ANKS1A: variants seen among roughly 807,000 people sequenced by gnomAD.
ANKS1A encodes ankyrin repeat and sterile alpha motif domain containing 1A.
A neutral mutation model predicts 120.3 loss-of-function variants in ANKS1A; 55 were observed. That is an observed-to-expected ratio of 0.46 (90% CI 0.37 to 0.57). The LOEUF (loss-of-function observed/expected upper bound fraction) is 0.57, where lower values mean the gene tolerates loss of function less well. ANKS1A is among the 20% of genes least tolerant of loss of function. ANKS1A has a pLI of 0.00. For missense variants in ANKS1A, 1,123 were observed against 1,480.3 expected (o/e 0.76, Z 3.96); for synonymous variants, 590 against 604.7 (o/e 0.98, Z 0.36).
At chr6:34,951,841 C>T (rs764230822) in intron 1 of ANKS1A, among the ~76,000 whole-genome samples, 33 of 152,180 alleles carry the variant, frequency 2.2e-4, no homozygotes, top group Non-Finnish European at 1.5e-4. Flanking sequence ...TACCTCTACT[C>T]ATGTCCCTCT....
intron 1 of ANKS1A, among the ~76,000 whole-genome samples, chr6:34,945,146 G>T (rs150943761): frequency 6.6e-6 from 1 of 152,292 alleles, no homozygotes; most frequent in Non-Finnish European, 1.5e-5. Context: ...GGAGAACACA[G>T]CTTACTGCAG....
At chr6:35,028,163 T>C (rs187762272) in intron 11 of ANKS1A, among the ~76,000 whole-genome samples, 90 of 152,372 alleles carry the variant, frequency 5.9e-4, no homozygotes, top group African/African-American at 2.1e-3. Flanking sequence ...ACTTTGGATC[T>C]AGTTATTTTC....
In ANKS1A at chr6:34,889,308, TG is replaced by T; in HGVS notation, c.-89del. The stretch of plus-strand genomic sequence containing the variant: ...GAGGGGGTGGTGTCCCCAGCCGGTT[TG>T]GGGGGTGCGTTGCCCGGAGACGGAA... On this transcript the variant is annotated 5_prime_UTR_variant, in exon 1 of 24. Coordinates refer to ENST00000360359, the MANE Select transcript of ANKS1A (RefSeq NM_015245.3). The surrounding 1 kb of genome is among the most constrained non-coding windows in gnomAD (Gnocchi z 5.5). 1.6e-6 allele frequency: 2 copies of T among 1,219,798 alleles called. No individual in the cohort carries two copies. Among genetic ancestry groups the T allele is most frequent in the Non-Finnish European group, 2.0e-6 (2 of 980,512 alleles). 75.6% of individuals were successfully genotyped at this position (1,219,798 alleles called of 1,614,324 possible).
chr6:35,001,824 C>T (rs1773184621), intron 10 of ANKS1A, among the ~76,000 whole-genome samples: 1 of 150,284 alleles, frequency 6.7e-6, no homozygotes, highest in South Asian at 2.2e-4. Context: ...ATTTCATCAA[C>T]CAGAGGAAAA....
At chr6:35,008,800 T>A (rs1325700069) in intron 10 of ANKS1A, among the ~76,000 whole-genome samples, 4 of 152,170 alleles carry the variant, frequency 2.6e-5, no homozygotes, top group African/African-American at 4.8e-5. Flanking sequence ...AAAAGAGGGA[T>A]AAATTATGTC....
chr6:34,900,544 G>A (rs774826958), intron 1 of ANKS1A, among the ~76,000 whole-genome samples: 7 of 151,970 alleles, frequency 4.6e-5, no homozygotes, highest in Non-Finnish European at 7.4e-5. Context: ...TCCTGCTTCA[G>A]CCTCCCAGAG....
At chr6:34,934,681 G>A (rs1377208094) in intron 1 of ANKS1A, among the ~76,000 whole-genome samples, 1 of 152,212 alleles carries the variant, frequency 6.6e-6, no homozygotes, top group African/African-American at 2.4e-5. Flanking sequence ...GTAAGTGTTG[G>A]AAAGTGGGCG....
Position 34,983,282 on chromosome 6 carries a change from G to A in ANKS1A, c.911-42G>A, listed in dbSNP as rs556288300. 6.8e-6 allele frequency: 11 copies of A among 1,612,024 alleles called. No homozygotes were observed. The East Asian group carries it at 2.5e-4, about 36-fold the overall frequency. ...AATTGAACCAAGGCATTTGTATTTG[G>A]TGCAGCACTTTTTATTTTTATTTTT... On this transcript the variant is annotated intron_variant, in intron 6 of 23. Transcript: ENST00000360359.
chr6:35,011,793 A>C (rs1773771268), intron 10 of ANKS1A, among the ~76,000 whole-genome samples: 1 of 152,244 alleles, frequency 6.6e-6, no homozygotes, highest in African/African-American at 2.4e-5. Flanking sequence ...AAGAGTTCAG[A>C]AATGACTGTA....
At chr6:34,941,054 T>C (rs1769504912) in intron 1 of ANKS1A, among the ~76,000 whole-genome samples, 1 of 152,114 alleles carries the variant, frequency 6.6e-6, no homozygotes, top group African/African-American at 2.4e-5. Context: ...AGTGGTGCCA[T>C]CTTGGCTCAC....
chr6:34,980,992 C>T (rs1771873519), intron 3 of ANKS1A, among the ~76,000 whole-genome samples: 1 of 152,164 alleles, frequency 6.6e-6, no homozygotes, highest in African/African-American at 2.4e-5. Context: ...GAAACATCTT[C>T]CCGTGCTGGC....
At chr6:34,944,263 G>A (rs1164560660) in intron 1 of ANKS1A, among the ~76,000 whole-genome samples, 5 of 151,630 alleles carry the variant, frequency 3.3e-5, no homozygotes, top group South Asian at 2.1e-4. Context: ...GGGCAACAGC[G>A]AGATGCCATC....
In ANKS1A at chr6:34,967,330, A is replaced by G. The variant is rs769436196; in HGVS notation, c.278+11A>G. 100 of 1,612,674 alleles carry G rather than the reference A, an allele frequency of 6.2e-5. No homozygotes were observed. The highest frequency in any genetic ancestry group is 2.7e-5 in the African/African-American group (2 of 74,796). On this transcript the variant is annotated intron_variant, in intron 2 of 23. Coordinates refer to ENST00000360359, the MANE Select transcript of ANKS1A (RefSeq NM_015245.3). ...TTTGAATGGCCATAAGTAAGTATCA[A>G]TGTACTACATTCCTGCCTTCACCCT... is the stretch of plus-strand genomic sequence containing the variant.
At chr6:35,070,083 A>G (rs1777004084) in intron 13 of ANKS1A, among the ~76,000 whole-genome samples, 1 of 151,324 alleles carries the variant, frequency 6.6e-6, no homozygotes, top group African/African-American at 2.4e-5. Flanking sequence ...GCTGGTCTCA[A>G]ACTCCTGGGC....
intron 1 of ANKS1A, among the ~76,000 whole-genome samples, chr6:34,910,880 G>A: frequency 6.7e-6 from 1 of 149,826 alleles, no homozygotes. Flanking sequence ...AAAAAAGAAA[G>A]AAAGAAAAAG....
intron 7 of ANKS1A, 26 bp downstream of exon 7, chr6:34,983,451 A>G (rs767039535): frequency 6.5e-7 from 1 of 1,544,218 alleles, no homozygotes; most frequent in Admixed American, 1.8e-5. Context: ...CCTATGAGTA[A>G]AGGGGTGCTC....
At chr6:34,987,973 T>A (rs1772297680) in intron 8 of ANKS1A, among the ~76,000 whole-genome samples, 1 of 152,220 alleles carries the variant, frequency 6.6e-6, no homozygotes, top group African/African-American at 2.4e-5. Flanking sequence ...ATATAAACAG[T>A]GCTAAAGGCC....
chr6:34,967,369 C>G, intron 2 of ANKS1A, 50 bp downstream of exon 2: 1 of 1,571,072 alleles, frequency 6.4e-7, no homozygotes, highest in Non-Finnish European at 8.7e-7. Flanking sequence ...GAACCCAGGC[C>G]TTCACGTTGC....
intron 13 of ANKS1A, among the ~76,000 whole-genome samples, chr6:35,062,693 C>G (rs886366651): frequency 6.6e-6 from 1 of 152,172 alleles, no homozygotes; most frequent in African/African-American, 2.4e-5. Context: ...TTGTGCACAT[C>G]ACACAGCTCC....
Sources: gnomAD v4.1 joint callset for allele counts (sites outside exome capture counted in the v4.1 genomes callset) on GRCh38, gnomAD v4.1.1 for gene constraint, Gnocchi (gnomAD v3.1) non-coding constraint, MANE v1.5 for transcripts, NCBI Gene and HGNC (gene_info 2026-07-23, HGNC 2026-07-21) for gene names.